PHEX: variants seen among roughly 807,000 people sequenced by gnomAD.
PHEX encodes the protein phosphate regulating endopeptidase X-linked.
A neutral mutation model predicts 68.0 loss-of-function variants in PHEX; 16 were observed. The ratio of observed to expected loss-of-function variants is 0.24; its 90% CI spans 0.16 to 0.36. PHEX has a LOEUF of 0.36. PHEX is among the 10% of genes least tolerant of loss of function. PHEX has a pLI of 1.00. For synonymous variants in PHEX, 208 were observed against 205.1 expected (o/e 1.01, Z -0.12); for missense variants, 480 against 575.5 (o/e 0.83, Z 1.70).
rs185210189 is a variant in PHEX, at chrX:22,230,988, G to T, written c.2070+3377G>T. Among the ~76,000 whole-genome samples the T allele has an allele frequency of 4.5e-5, 5 of 112,013 alleles. No individual in the cohort carries two copies. The East Asian group carries it at 1.4e-3, about 32-fold the overall frequency. ...GTTTACTGAGAGTTTTTAGCATCAA[G>T]GGGTGTTGAATTTTGTCAAAGGCCT... is the stretch of plus-strand genomic sequence containing the variant. On this transcript the variant is annotated intron_variant, in intron 20 of 21. Transcript: ENST00000379374.
intron 3 of PHEX, among the ~76,000 whole-genome samples, chrX:22,051,616 A>T (rs1452867420): frequency 1.8e-5 from 2 of 112,204 alleles, no homozygotes; most frequent in East Asian, 5.5e-4. Flanking sequence ...GATAAGTTGA[A>T]CAAATAGCAC....
chrX:22,211,073 T>G (rs1174164698), intron 15 of PHEX, among the ~76,000 whole-genome samples: 3 of 111,752 alleles, frequency 2.7e-5, no homozygotes, highest in African/African-American at 9.8e-5. Flanking sequence ...TCTCTCTCTT[T>G]TTGGTTATGA....
intron 4 of PHEX, among the ~76,000 whole-genome samples, chrX:22,077,036 T>C (rs1411672671): frequency 8.9e-6 from 1 of 111,898 alleles, no homozygotes; most frequent in Non-Finnish European, 1.9e-5. Context: ...GGTCTAGGAT[T>C]TGGGGTATCA....
At chrX:22,047,941 G>T (rs1380377748) in intron 3 of PHEX, among the ~76,000 whole-genome samples, 1 of 104,464 alleles carries the variant, frequency 9.6e-6, no homozygotes, top group Admixed American at 1.1e-4. Context: ...TTTTGAGAAG[G>T]CAAAAATAGT....
intron 14 of PHEX, among the ~76,000 whole-genome samples, chrX:22,188,517 A>T (rs1488008030): frequency 8.9e-6 from 1 of 112,975 alleles, no homozygotes; most frequent in Non-Finnish European, 1.9e-5. Context: ...TGTGTGGCCC[A>T]TGAGCTAAGA....
At chrX:22,232,046 C>G (rs1935763975) in intron 20 of PHEX, among the ~76,000 whole-genome samples, 1 of 111,915 alleles carries the variant, frequency 8.9e-6, no homozygotes, top group South Asian at 3.7e-4. Flanking sequence ...CATTCAGGAG[C>G]AGGTTGTTCA....
chrX:22,135,374 C>G (rs1383066883), intron 12 of PHEX, among the ~76,000 whole-genome samples: 4 of 112,072 alleles, frequency 3.6e-5, no homozygotes, highest in Non-Finnish European at 7.5e-5. Context: ...ATGTGTCTTG[C>G]CCTGGGCAGT....
At chrX:22,087,525 A>G (rs984804581) in intron 5 of PHEX, among the ~76,000 whole-genome samples, 1 of 111,738 alleles carries the variant, frequency 8.9e-6, no homozygotes, top group Non-Finnish European at 1.9e-5. Context: ...TAATATCACT[A>G]ATTCTTAACG....
intron 14 of PHEX, among the ~76,000 whole-genome samples, chrX:22,188,528 A>G (rs1022667449): frequency 2.7e-5 from 3 of 112,977 alleles, no homozygotes; most frequent in Non-Finnish European, 5.6e-5. Flanking sequence ...TGAGCTAAGA[A>G]TAATTTTTAG....
intron 10 of PHEX, among the ~76,000 whole-genome samples, chrX:22,114,120 T>C (rs1931122696): frequency 1.8e-5 from 2 of 108,673 alleles, no homozygotes; most frequent in African/African-American, 6.7e-5. Context: ...CGGCTAATTT[T>C]TGTGTTTTTA....
intron 15 of PHEX, among the ~76,000 whole-genome samples, chrX:22,201,869 A>G (rs1341761264): frequency 9.0e-6 from 1 of 111,482 alleles, no homozygotes; most frequent in Non-Finnish European, 1.9e-5. Context: ...ATAGGGACCT[A>G]AAAACCAGCC....
At chrX:22,128,297 A>C (rs1025645703) in intron 11 of PHEX, among the ~76,000 whole-genome samples, 1 of 109,729 alleles carries the variant, frequency 9.1e-6, no homozygotes, top group Admixed American at 1.0e-4. Context: ...TCCAGACCTC[A>C]GGTGATCCAA....
intron 12 of PHEX, among the ~76,000 whole-genome samples, chrX:22,135,389 C>G (rs776481667): frequency 3.6e-5 from 4 of 112,043 alleles, no homozygotes; most frequent in Non-Finnish European, 7.5e-5. Flanking sequence ...GGCAGTTGAG[C>G]GCTTAGTGTA....
rs1213859256 is a variant in PHEX, at chrX:22,038,394, C to T, written c.119-75C>T. ...GGATGAACTGATATCAAATATCTTG[C>T]GTATGTTTCCGAGGGTGGTTTACCG... On this transcript the variant is annotated intron_variant, in intron 1 of 21. Coordinates refer to ENST00000379374, the MANE Select transcript of PHEX (RefSeq NM_000444.6). 1.4e-5 allele frequency: 9 copies of T among 636,872 alleles called. No homozygotes were observed. In the East Asian group the frequency reaches 1.9e-4, roughly 14 times the overall value. The allele number at this position is 636,872 out of a possible 1,213,427, so 52.5% of individuals were successfully genotyped here.
chrX:22,136,327 T>G (rs1030698754), intron 12 of PHEX, among the ~76,000 whole-genome samples: 2 of 112,098 alleles, frequency 1.8e-5, no homozygotes, highest in African/African-American at 6.5e-5. Flanking sequence ...TTTCTGATAC[T>G]GAGTAGCCCC....
At chrX:22,056,110 A>G (rs1928093838) in intron 3 of PHEX, among the ~76,000 whole-genome samples, 1 of 112,433 alleles carries the variant, frequency 8.9e-6, no homozygotes, top group African/African-American at 3.2e-5. Context: ...CTTCAAATAG[A>G]TTGAAATGCA....
chrX:22,133,230 G>A (rs933717837), intron 11 of PHEX, among the ~76,000 whole-genome samples: 5 of 110,462 alleles, frequency 4.5e-5, no homozygotes, highest in Non-Finnish European at 1.9e-5. Flanking sequence ...CATGTTGTCC[G>A]CGCTGGTCTC....
At chrX:22,164,229 G>A (rs1034687337) in intron 12 of PHEX, among the ~76,000 whole-genome samples, 1 of 111,727 alleles carries the variant, frequency 9.0e-6, no homozygotes, top group Non-Finnish European at 1.9e-5. Flanking sequence ...AGAATGGGGT[G>A]GGGTAGGATG....
chrX:22,161,581 T>C (rs954241329), intron 12 of PHEX, among the ~76,000 whole-genome samples: 1 of 112,435 alleles, frequency 8.9e-6, no homozygotes, highest in Non-Finnish European at 1.9e-5. Flanking sequence ...TCATAGTGGG[T>C]TTATCAAATT....
Sources: allele counts gnomAD v4.1 joint callset (sites outside exome capture counted in the v4.1 genomes callset), GRCh38; gene constraint gnomAD v4.1.1; transcripts MANE v1.5; gene names NCBI Gene and HGNC (gene_info 2026-07-23, HGNC 2026-07-21).